COL23A1: variants seen among roughly 807,000 people sequenced by gnomAD.
The protein encoded by COL23A1 is collagen alpha-1(XXIII) chain.
A neutral mutation model predicts 99.3 loss-of-function variants in COL23A1; 97 were observed. That is an observed-to-expected ratio of 0.98 (90% CI 0.83 to 1.16). The LOEUF (loss-of-function observed/expected upper bound fraction) is 1.16. Ranked by LOEUF, COL23A1 falls within the 50% of genes most tolerant of loss-of-function variation. COL23A1 has a pLI of 0.00. For synonymous variants in COL23A1, 320 were observed against 308.2 expected (o/e 1.04, Z -0.40); for missense variants, 762 against 757.4 (o/e 1.01, Z -0.07).
rs58448995 is a variant in COL23A1 at position 178,336,335 on chromosome 5, C to G, written c.362-29416G>C. Among the ~76,000 whole-genome samples the G allele has an allele frequency of 8.4e-3, 1,280 of 152,322 alleles. 19 individuals carry two copies. The highest frequency in any genetic ancestry group is 0.029 in the African/African-American group (1,216 of 41,572). ...CAACAGCCGAAAGGCAGAAACAACC[C>G]AGATGGCCATCACCTGATGAATGGG... is the stretch of plus-strand genomic sequence containing the variant. On this transcript the variant is annotated intron_variant, in intron 2 of 28. Coordinates refer to ENST00000390654, the MANE Select transcript of COL23A1 (RefSeq NM_173465.4).
intron 2 of COL23A1, among the ~76,000 whole-genome samples, chr5:178,511,752 G>A (rs1325063827): frequency 6.6e-6 from 1 of 152,154 alleles, no homozygotes; most frequent in Non-Finnish European, 1.5e-5. Context: ...CCTCCTCCCT[G>A]AGACCATTCA....
At chr5:178,245,334 A>G (rs886524542) in intron 25 of COL23A1, among the ~76,000 whole-genome samples, 3 of 145,772 alleles carry the variant, frequency 2.1e-5, no homozygotes, top group Non-Finnish European at 4.5e-5. Context: ...CCATCCATCC[A>G]TCCATCCATC....
At chr5:178,315,907 C>T (rs578108223) in intron 2 of COL23A1, among the ~76,000 whole-genome samples, 1 of 151,798 alleles carries the variant, frequency 6.6e-6, no homozygotes, top group African/African-American at 2.4e-5. Flanking sequence ...TAGATTACAA[C>T]AATCTTGTAG....
At chr5:178,436,477 G>A (rs533750917) in intron 2 of COL23A1, among the ~76,000 whole-genome samples, 5 of 152,282 alleles carry the variant, frequency 3.3e-5, no homozygotes, top group South Asian at 2.1e-4. Flanking sequence ...GGTGGGGTAC[G>A]TTTCAAAGGG....
chr5:178,431,406 G>A (rs903216198), intron 2 of COL23A1, among the ~76,000 whole-genome samples: 1 of 152,232 alleles, frequency 6.6e-6, no homozygotes, highest in Non-Finnish European at 1.5e-5. Flanking sequence ...CCCACAGATA[G>A]CCCTTCCCTA....
In COL23A1 at chr5:178,384,654, T is replaced by A. The variant is rs1475070239; in HGVS notation, c.362-77735A>T. 6.6e-5 allele frequency among the ~76,000 whole-genome samples: 10 copies of A among 152,150 alleles called. No homozygotes were observed. The East Asian group carries it at 1.7e-3, about 26-fold the overall frequency. Reference sequence around the variant, plus strand: ...GCTCAGAGGGGGCAGGGCCGGGACTTGGACTCAGATGCGTCCAGTTTCAGA... The same window carrying A: ...GCTCAGAGGGGGCAGGGCCGGGACTAGGACTCAGATGCGTCCAGTTTCAGA... On this transcript the variant is annotated intron_variant, in intron 2 of 28. Transcript: ENST00000390654. The surrounding 1 kb of genome is among the most constrained non-coding windows in gnomAD (Gnocchi z 5.5).
chr5:178,564,993 A>T (rs1762772046), intron 1 of COL23A1, among the ~76,000 whole-genome samples: 1 of 152,244 alleles, frequency 6.6e-6, no homozygotes, highest in African/African-American at 2.4e-5. Context: ...TTGCACCGTA[A>T]AACAGTGGGA....
At chr5:178,321,062 A>G (rs1002744226) in intron 2 of COL23A1, among the ~76,000 whole-genome samples, 11 of 152,270 alleles carry the variant, frequency 7.2e-5, no homozygotes, top group African/African-American at 2.4e-4. Context: ...CACATACCAT[A>G]CAGTTCATCC....
Position 178,468,957 on chromosome 5 carries a change from C to T in COL23A1, c.361+91725G>A, listed in dbSNP as rs117085511. Among the ~76,000 whole-genome samples the T allele has an allele frequency of 6.6e-6, 1 of 152,286 alleles. No individual in the cohort carries two copies. Among genetic ancestry groups the T allele is most frequent in the East Asian group, 1.9e-4 (1 of 5,168 alleles). On this transcript the variant is annotated intron_variant, in intron 2 of 28. Transcript: ENST00000390654. This position sits in a 1 kb window ranked among gnomAD's most constrained non-coding sequence, Gnocchi z 4.2. ...GCACCCACCATCCTGGTTTCCGTCT[C>T]TATGAATTTGATGACTGGGTGCCTC...
chr5:178,303,396 C>T lies in COL23A1; in HGVS notation c.406+3479G>A, dbSNP rs536794350. 3.3e-5 allele frequency among the ~76,000 whole-genome samples: 5 copies of T among 152,330 alleles called. No individual in the cohort carries two copies. In the South Asian group the frequency reaches 1.0e-3, roughly 32 times the overall value. ...TGTTAAGAGCAAAATTCAGATATTT[C>T]CTGAATAAACATTTCTTGGGCTGTG... On this transcript the variant is annotated intron_variant, in intron 3 of 28. Coordinates refer to ENST00000390654, the MANE Select transcript of COL23A1 (RefSeq NM_173465.4).
chr5:178,259,804 G>A (rs979192896), intron 11 of COL23A1, 57 bp from the exon 12 acceptor site: 21 of 1,506,216 alleles, frequency 1.4e-5, no homozygotes, highest in Middle Eastern at 1.8e-4. Context: ...AGAGTGGCCC[G>A]GACCCCGGAC....
At chr5:178,324,169 T>G (rs1481276944) in intron 2 of COL23A1, among the ~76,000 whole-genome samples, 2 of 135,544 alleles carry the variant, frequency 1.5e-5, no homozygotes, top group Admixed American at 7.3e-5. Flanking sequence ...GGGGTTACTC[T>G]GGAAGGTGCA....
intron 2 of COL23A1, among the ~76,000 whole-genome samples, chr5:178,549,369 A>G (rs1227602679): frequency 6.6e-6 from 1 of 152,218 alleles, no homozygotes; most frequent in Non-Finnish European, 1.5e-5. Flanking sequence ...AAGTAGTAGG[A>G]CAATAAAATA....
chr5:178,405,597 C>T (rs888089845), intron 2 of COL23A1, among the ~76,000 whole-genome samples: 12 of 152,200 alleles, frequency 7.9e-5, no homozygotes, highest in Non-Finnish European at 1.3e-4. Flanking sequence ...ACTCTGAAAG[C>T]ATCCCCATTA....
intron 5 of COL23A1, 154 bp from the exon 6 acceptor site, chr5:178,270,517 G>T: frequency 1.2e-6 from 1 of 853,362 alleles, no homozygotes; most frequent in South Asian, 1.5e-5. Context: ...CTGAGGGAGG[G>T]GAAGGCATCT....
intron 5 of COL23A1, among the ~76,000 whole-genome samples, chr5:178,287,277 G>A (rs922525056): frequency 9.8e-5 from 15 of 152,308 alleles, no homozygotes; most frequent in South Asian, 8.3e-4. Context: ...CATTGCTGGG[G>A]GAGCTGCCCG....
At chr5:178,579,713 A>G (rs1401525854) in intron 1 of COL23A1, among the ~76,000 whole-genome samples, 1 of 151,932 alleles carries the variant, frequency 6.6e-6, no homozygotes, top group African/African-American at 2.4e-5. Context: ...CAGACTCCCA[A>G]AGTGCTGGGA....
At chr5:178,320,149 A>G (rs539479507) in intron 2 of COL23A1, among the ~76,000 whole-genome samples, 2 of 152,288 alleles carry the variant, frequency 1.3e-5, no homozygotes, top group South Asian at 2.1e-4. Flanking sequence ...ACTTATTTCT[A>G]TGAAAATTGC....
At chr5:178,284,084 G>A (rs1252942190) in intron 5 of COL23A1, among the ~76,000 whole-genome samples, 1 of 152,232 alleles carries the variant, frequency 6.6e-6, no homozygotes, top group Non-Finnish European at 1.5e-5. Context: ...AAATGCAAGA[G>A]TGCCGTGCCT....
Sources: allele counts gnomAD v4.1 joint callset (sites outside exome capture counted in the v4.1 genomes callset), GRCh38; gene constraint gnomAD v4.1.1; non-coding constraint Gnocchi (gnomAD v3.1); transcripts MANE v1.5; gene names NCBI Gene and HGNC (gene_info 2026-07-23, HGNC 2026-07-21).